The following TDRD6 variants were observed in gnomAD, a reference collection of about 807,000 sequenced individuals.
The protein encoded by TDRD6 is tudor domain containing 6.
In TDRD6, 186 loss-of-function variants were observed where a neutral mutation model predicts 157.5. The ratio of observed to expected loss-of-function variants is 1.18; its 90% confidence interval spans 1.05 to 1.33. TDRD6 has a LOEUF of 1.33. TDRD6 is among the 40% of genes most tolerant of loss of function. The pLI is 0.00. For missense variants in TDRD6, 3,066 were observed against 2,508.0 expected (o/e 1.22, Z -4.75); for synonymous variants, 1,075 against 945.2 (o/e 1.14, Z -2.52).
In TDRD6 at chr6:46,692,156, C is replaced by T. The variant is rs752340735; in HGVS notation, c.4028C>T (p.Thr1343Ile). 2.5e-6 allele frequency: 4 copies of T among 1,613,994 alleles called. No homozygotes were observed. The highest frequency in any genetic ancestry group is 3.4e-6 in the Non-Finnish European group (4 of 1,179,998). ...TCAGAGAGATTAAACAGTGTTAAAA[C>T]AAGGCCCGAATATTATGTAGGTCCA... ...HLSERLNSVK[T>I]RPEYYVGPPL... The change falls in exon 1 of 4, where the codon ACA becomes ATA. Residue 1343 changes from threonine (T) to isoleucine (I), a missense_variant. Coordinates refer to ENST00000316081, the MANE Select transcript of TDRD6 (RefSeq NM_001010870.3).
At position 46,693,254 on chromosome 6, in the gene TDRD6, A is replaced by T. The variant is rs768878674; in HGVS notation, c.5126A>T (p.Tyr1709Phe). 5 of 1,613,680 alleles carry T rather than the reference A, an allele frequency of 3.1e-6. No individual in the cohort carries two copies. The South Asian group carries it at 5.5e-5, about 18-fold the overall frequency. Residue 1709 changes from tyrosine to phenylalanine, a missense_variant, in exon 1 of 4, where the codon TAT (tyrosine) becomes TTT (phenylalanine). Tyr to Phe is a conservative substitution (Grantham distance 22). Transcript: ENST00000316081. ...SKTGIKSALP[Y>F]ENIDSEIKQT... The stretch of plus-strand genomic sequence containing the variant: ...ACTGGTATTAAAAGTGCTCTTCCCT[A>T]TGAAAATATTGACTCAGAGATAAAG...
rs114484421 is a variant in TDRD6 at position 46,693,284 on chromosome 6, C to T, written c.5156C>T (p.Thr1719Ile). The T allele has an allele frequency of 3.9e-4, 628 of 1,612,994 alleles. 1 individual carries two copies. The African/African-American group carries it at 7.3e-3, about 19-fold the overall frequency. ...AATATTGACTCAGAGATAAAGCAGA[C>T]TCTTGGGTCCTACAATCTTGATGTA... Reference protein sequence around the residue: ...YENIDSEIKQTLGSYNLDVGL... With the variant: ...YENIDSEIKQILGSYNLDVGL... Residue 1719 changes from threonine (T) to isoleucine (I), a missense_variant, in exon 1 of 4, where the codon ACT becomes ATT. Physicochemically the swap from Thr to Ile is moderately conservative, Grantham distance 89. Transcript: ENST00000316081.
rs1764339704 is a variant in TDRD6, at chr6:46,691,931, A to G, written c.3803A>G (p.Lys1268Arg). The G allele has an allele frequency of 1.2e-6, 2 of 1,604,818 alleles. No homozygotes were observed. Among genetic ancestry groups the G allele is most frequent in the Non-Finnish European group, 1.7e-6 (2 of 1,177,838 alleles). ...GAAATTTCTGCTGAGACACCCTTGA[A>G]AACAGCAAGAGTAGAAGCTACTCTT... ...KEEISAETPL[K>R]TARVEATLSE... The change falls in exon 1 of 4, where the codon AAA becomes AGA. Residue 1268 changes from lysine (K) to arginine (R), a missense_variant. Lys to Arg is a conservative substitution (Grantham distance 26). Coordinates refer to ENST00000316081, the MANE Select transcript of TDRD6 (RefSeq NM_001010870.3).
chr6:46,691,447 ATAC>A lies in TDRD6; in HGVS notation c.3320_3322del (p.Ile1107_Pro1108delinsThr), dbSNP rs754625077. On this transcript the variant is annotated inframe_deletion, in exon 1 of 4. Coordinates refer to ENST00000316081, the MANE Select transcript of TDRD6 (RefSeq NM_001010870.3). ...TTCATTATCTGATATTCCTGATCAT[ATAC>A]CAGAAGAAGTGGTGGTGTGGTTTCA... The A allele has an allele frequency of 1.2e-6, 2 of 1,614,092 alleles. No homozygotes were observed. The highest frequency in any genetic ancestry group is 3.3e-5 in the Admixed American group (2 of 60,028).
chr6:46,691,734 G>A lies in TDRD6; in HGVS notation c.3606G>A (p.Lys1202=), dbSNP rs1214821888. 1.3e-6 allele frequency: 2 copies of A among 1,594,396 alleles called. No homozygotes were observed. Among genetic ancestry groups the A allele is most frequent in the Admixed American group, 1.9e-5 (1 of 53,940 alleles). The part of the protein sequence containing the change: ...TEYLSKSVGY[K]LPNKEILEES... ...ATTTAAGTAAATCAGTAGGGTACAA[G>A]TTACCTAATAAAGAAATTTTGGAAG... Residue 1202 remains lysine (K), a synonymous_variant, in exon 1 of 4, where the codon AAG becomes AAA. Coordinates refer to ENST00000316081, the MANE Select transcript of TDRD6 (RefSeq NM_001010870.3).
rs746551549 is a variant in TDRD6 at position 46,690,954 on chromosome 6, C to A, written c.2826C>A (p.Thr942=). The A allele has an allele frequency of 6.2e-7, 1 of 1,614,078 alleles. No individual in the cohort carries two copies. Among genetic ancestry groups the A allele is most frequent in the East Asian group, 2.2e-5 (1 of 44,870 alleles). The part of the protein sequence containing the change: ...EELFNIVDLL[T]PFQSACHFLV... Reference sequence around the variant, plus strand: ...TGTTTAACATTGTGGATTTGCTAACCCCCTTTCAGAGTGCATGCCATTTCT... The same window carrying A: ...TGTTTAACATTGTGGATTTGCTAACACCCTTTCAGAGTGCATGCCATTTCT... The change falls in exon 1 of 4, where the codon ACC becomes ACA. Residue 942 remains threonine, a synonymous_variant. Transcript: ENST00000316081.
rs780975716 is a variant in TDRD6 at position 46,691,864 on chromosome 6, A to G, written c.3736A>G (p.Lys1246Glu). ...VTQYQDSVGN[K>E]NSQVFPLTTE... is the part of the protein sequence containing the mutation. ...TCAATATCAAGACTCTGTGGGAAAT[A>G]AAAATAGTCAAGTGTTTCCATTAAC... is the stretch of plus-strand genomic sequence containing the variant. The change falls in exon 1 of 4, where the codon AAA (lysine) becomes GAA (glutamate). Residue 1246 changes from lysine (K) to glutamate (E), a missense_variant. Transcript: ENST00000316081. 1.3e-6 allele frequency: 2 copies of G among 1,592,612 alleles called. No homozygotes were observed. The highest frequency in any genetic ancestry group is 1.2e-5 in the South Asian group (1 of 86,758).
Position 46,688,158 on chromosome 6 carries a change from G to A in TDRD6, c.30G>A (p.Pro10=), listed in dbSNP as rs770066069. MCSTPGMPA[P]GASLALRVSF... ...GCTCGACGCCCGGAATGCCGGCGCC[G>A]GGGGCCTCGCTGGCCCTGCGGGTGT... The change falls in exon 1 of 4, where the codon CCG becomes CCA. Residue 10 remains proline (P), a synonymous_variant. Transcript: ENST00000316081. 1.4e-5 allele frequency: 22 copies of A among 1,543,554 alleles called. No homozygotes were observed. Among genetic ancestry groups the A allele is most frequent in the South Asian group, 1.2e-4 (10 of 84,978 alleles).
chr6:46,691,298 A>C lies in TDRD6; in HGVS notation c.3170A>C (p.Lys1057Thr). Residue 1057 changes from lysine to threonine, a missense_variant, in exon 1 of 4, where the codon AAA becomes ACA. Lys to Thr is a moderately conservative substitution (Grantham distance 78). Transcript: ENST00000316081. ...GNWYRGIVIE[K>T]EPKKVFFVDF... ...TGGTATAGGGGCATAGTAATAGAGA[A>C]AGAGCCAAAGAAAGTCTTCTTTGTT... 1 of 1,614,118 alleles carries C rather than the reference A, an allele frequency of 6.2e-7. No homozygotes were observed. The highest frequency in any genetic ancestry group is 8.5e-7 in the Non-Finnish European group (1 of 1,179,968).
rs751620077 is a variant in TDRD6 at position 46,689,928 on chromosome 6, C to T, written c.1800C>T (p.Cys600=). The part of the protein sequence containing the change: ...FRQLPILAVK[C]TLADIWPLGK... ...AGCTACCAATATTGGCTGTGAAGTGCACCCTGGCTGATATTTGGCCTTTGG... is the reference window on the plus strand; with the variant it reads ...AGCTACCAATATTGGCTGTGAAGTGTACCCTGGCTGATATTTGGCCTTTGG... The change falls in exon 1 of 4, where the codon TGC becomes TGT. Residue 600 remains cysteine (C), a synonymous_variant. Transcript: ENST00000316081. 8 of 1,614,160 alleles carry T rather than the reference C, an allele frequency of 5.0e-6. No homozygotes were observed. The highest frequency in any genetic ancestry group is 6.8e-6 in the Non-Finnish European group (8 of 1,180,026).
At position 46,691,393 on chromosome 6, in the gene TDRD6, T is replaced by C. The variant is rs548989687; in HGVS notation, c.3265T>C (p.Leu1089=). The change falls in exon 1 of 4, where the codon TTA becomes CTA. Residue 1089 remains leucine, a synonymous_variant. Transcript: ENST00000316081. ...LPIPSDAYDV[L]LLPMQAVRCS... ...AATACCTAGTGATGCATATGATGTC[T>C]TACTTTTGCCCATGCAAGCTGTCAG... 19 of 1,614,070 alleles carry C rather than the reference T, an allele frequency of 1.2e-5. No individual in the cohort carries two copies. The South Asian group carries it at 1.4e-4, about 12-fold the overall frequency.
At position 46,688,977 on chromosome 6, in the gene TDRD6, G is replaced by A. The variant is rs762258441; in HGVS notation, c.849G>A (p.Met283Ile). The A allele has an allele frequency of 5.6e-6, 9 of 1,613,542 alleles. No individual in the cohort carries two copies. The highest frequency in any genetic ancestry group is 5.0e-5 in the Admixed American group (3 of 59,976). ...SQEIHRLSES[M>I]AQVYRGSTGT... ...AGATCCACCGCCTCTCCGAGAGCATGGCCCAGGTATACCGGGGTTCCACGG... is the reference window on the plus strand; with the variant it reads ...AGATCCACCGCCTCTCCGAGAGCATAGCCCAGGTATACCGGGGTTCCACGG... Residue 283 changes from methionine to isoleucine, a missense_variant, in exon 1 of 4, where the codon ATG (methionine) becomes ATA (isoleucine). Physicochemically the swap from Met to Ile is conservative, Grantham distance 10. Coordinates refer to ENST00000316081, the MANE Select transcript of TDRD6 (RefSeq NM_001010870.3).
rs780423916 is a variant in TDRD6 at position 46,694,026 on chromosome 6, T to C, written c.5898T>C (p.Pro1966=). The change falls in exon 1 of 4, where the codon CCT becomes CCC. Residue 1966 remains proline, a synonymous_variant. Transcript: ENST00000316081. ...SLHLHGADCD[P]KTQNEMNICE... is the part of the protein sequence containing the mutation. ...ATCTACATGGAGCAGATTGTGATCC[T>C]AAAACACAGAATGAAATGAATATAT... 6.2e-7 allele frequency: 1 copy of C among 1,613,972 alleles called. No individual in the cohort carries two copies. The highest frequency in any genetic ancestry group is 1.7e-5 in the Admixed American group (1 of 59,968).
intron 2 of TDRD6, among the ~76,000 whole-genome samples, chr6:46,696,573 G>GTATA (rs1764506221): frequency 1.6e-5 from 1 of 62,708 alleles, no homozygotes; most frequent in African/African-American, 7.1e-5. Flanking sequence ...GTGTGTGTGT[G>GTATA]TGTGTGTGTA....
rs1472456078 is a variant in TDRD6 at position 46,687,939 on chromosome 6, C to T, written c.-190C>T. 2.3e-6 allele frequency: 2 copies of T among 880,874 alleles called. No homozygotes were observed. The highest frequency in any genetic ancestry group is 1.8e-5 in the African/African-American group (1 of 55,550). 54.6% of individuals were successfully genotyped at this position (880,874 alleles called of 1,614,324 possible). A position where few individuals can be genotyped will look rare whatever the true frequency, so the allele number is the denominator to read the frequency against. On this transcript the variant is annotated 5_prime_UTR_variant, in exon 1 of 4. Transcript: ENST00000316081. Reference sequence around the variant, plus strand: ...GAGGGGCTACCGGGTCTTACCAGTCCGTGGCGGGAGTCCCGGAGGACCCTC... The same window carrying T: ...GAGGGGCTACCGGGTCTTACCAGTCTGTGGCGGGAGTCCCGGAGGACCCTC...
At chr6:46,698,682 G>C (rs1442649796) in intron 3 of TDRD6, among the ~76,000 whole-genome samples, 2 of 152,138 alleles carry the variant, frequency 1.3e-5, no homozygotes, top group East Asian at 3.8e-4. Flanking sequence ...TTTAATATCT[G>C]GTCATCTTGG....
In TDRD6 at chr6:46,693,341, A is replaced by G; in HGVS notation, c.5213A>G (p.Gln1738Arg). 1 of 1,604,468 alleles carries G rather than the reference A, an allele frequency of 6.2e-7. No individual in the cohort carries two copies. The highest frequency in any genetic ancestry group is 8.5e-7 in the Non-Finnish European group (1 of 1,177,470). ...GLKKLSNKAVQNKIYMEQQTD... is the reference protein window; with the variant it reads ...GLKKLSNKAVRNKIYMEQQTD... Reference sequence around the variant, plus strand: ...AAGAAATTAAGTAATAAAGCTGTACAAAATAAAATATATATGGAACAACAG... The same window carrying G: ...AAGAAATTAAGTAATAAAGCTGTACGAAATAAAATATATATGGAACAACAG... The change falls in exon 1 of 4, where the codon CAA (glutamine) becomes CGA (arginine). Residue 1738 changes from glutamine (Q) to arginine (R), a missense_variant. By Grantham distance (43) the Gln-to-Arg change is conservative. Transcript: ENST00000316081.
Position 46,689,208 on chromosome 6 carries a change from G to GT in TDRD6, c.1081dup (p.Tyr361LeufsTer5), listed in dbSNP as rs1478185959. 1.2e-6 allele frequency: 2 copies of GT among 1,614,200 alleles called. No homozygotes were observed. The highest frequency in any genetic ancestry group is 1.7e-6 in the Non-Finnish European group (2 of 1,180,032). ...AGTTAGTGAGTTGCAGCAGCCTTCG[G>GT]TACTTGCTGCCTGAATATTTTCGAA... On this transcript the variant is annotated frameshift_variant, in exon 1 of 4. Coordinates refer to ENST00000316081, the MANE Select transcript of TDRD6 (RefSeq NM_001010870.3). LOFTEE classifies it high-confidence loss of function.
At position 46,688,142 on chromosome 6, in the gene TDRD6, C is replaced by A. The variant is rs1483407554; in HGVS notation, c.14C>A (p.Pro5His). 4 of 1,539,768 alleles carry A rather than the reference C, an allele frequency of 2.6e-6. No individual in the cohort carries two copies. Among genetic ancestry groups the A allele is most frequent in the African/African-American group, 1.4e-5 (1 of 71,818 alleles). The change falls in exon 1 of 4, where the codon CCC becomes CAC. Residue 5 changes from proline (P) to histidine (H), a missense_variant. Transcript: ENST00000316081. MCSTPGMPAPGASLA... is the reference protein window; with the variant it reads MCSTHGMPAPGASLA... ...CGCGCCGTCAAGATGTGCTCGACGCCCGGAATGCCGGCGCCGGGGGCCTCG... is the reference window on the plus strand; with the variant it reads ...CGCGCCGTCAAGATGTGCTCGACGCACGGAATGCCGGCGCCGGGGGCCTCG...
Sources: allele counts gnomAD v4.1 joint callset (sites outside exome capture counted in the v4.1 genomes callset), GRCh38; gene constraint gnomAD v4.1.1; transcripts MANE v1.5; gene names NCBI Gene and HGNC (gene_info 2026-07-23, HGNC 2026-07-21).